PTCRA: variants seen among roughly 807,000 people sequenced by gnomAD.
The protein encoded by PTCRA is pre T-cell antigen receptor alpha.
Under a neutral mutation model 13.4 loss-of-function variants are expected in PTCRA, and 9 were observed. The observed-to-expected ratio is 0.67, with a 90% CI of 0.41 to 1.18. The LOEUF is 1.18. PTCRA is among the 50% of genes most tolerant of loss of function. The probability of loss-of-function intolerance (pLI) is 0.01; values close to 1 mark genes in which losing one functional copy is unlikely to be tolerated. For synonymous variants in PTCRA, 153 were observed against 161.9 expected (o/e 0.94, Z 0.42); for missense variants, 353 against 359.8 (o/e 0.98, Z 0.15).
intron 1 of PTCRA, chr6:42,922,388 T>C (rs1767216395): frequency 6.5e-6 from 4 of 614,978 alleles, no homozygotes; most frequent in Non-Finnish European, 1.2e-5. Context: ...TCGGATATCA[T>C]AGACAAGTGG....
At chr6:42,917,674 C>T (rs561727444) in intron 1 of PTCRA, among the ~76,000 whole-genome samples, 11 of 151,056 alleles carry the variant, frequency 7.3e-5, no homozygotes, top group African/African-American at 2.4e-4. Flanking sequence ...CTCAGCTTCC[C>T]AAGTAGCTGG....
intron 1 of PTCRA, among the ~76,000 whole-genome samples, chr6:42,918,373 G>A (rs1389187276): frequency 2.0e-5 from 3 of 151,248 alleles, no homozygotes; most frequent in Non-Finnish European, 4.4e-5. Context: ...GGCCAAGATG[G>A]TGAAACCCCA....
intron 1 of PTCRA, among the ~76,000 whole-genome samples, chr6:42,921,412 CTTTTTTTTTT>C (rs59029514): frequency 1.2e-5 from 1 of 85,640 alleles, no homozygotes; most frequent in African/African-American, 5.5e-5. Context: ...AACAAAGCTT[CTTTTTTTTTT>C]TTTTTTTTTT....
At position 42,925,635 on chromosome 6, in the gene PTCRA, T is replaced by C; in HGVS notation, c.799T>C (p.Phe267Leu). 6.4e-7 allele frequency: 1 copy of C among 1,559,504 alleles called. No homozygotes were observed. The highest frequency in any genetic ancestry group is 8.7e-7 in the Non-Finnish European group (1 of 1,155,314). The change falls in exon 4 of 4, where the codon TTT (phenylalanine) becomes CTT (leucine). Residue 267 changes from phenylalanine to leucine, a missense_variant. Transcript: ENST00000304672. This position sits in a 1 kb window ranked among gnomAD's most constrained non-coding sequence, Gnocchi z 4.4. ...LRAPSSSLGA[F>L]FAGDLPPPLQ... is the part of the protein sequence containing the mutation. ...GGCTCCTTCCTCCAGTCTTGGAGCA[T>C]TTTTTGCAGGTGACCTGCCTCCTCC...
chr6:42,918,566 T>A lies in PTCRA; in HGVS notation c.58+2439T>A, dbSNP rs527313324. 2.4e-4 allele frequency among the ~76,000 whole-genome samples: 36 copies of A among 151,438 alleles called. 1 individual carries two copies. The highest frequency in any genetic ancestry group is 8.7e-4 in the African/African-American group (36 of 41,268). ...TGAGACTCCATCTCAAAAATAATAA[T>A]AATAATAATAATGAAATAAAATAAA... On this transcript the variant is annotated intron_variant, in intron 1 of 3. Transcript: ENST00000304672.
At chr6:42,921,100 TTTG>T (rs763294657) in intron 1 of PTCRA, among the ~76,000 whole-genome samples, 29 of 138,562 alleles carry the variant, frequency 2.1e-4, no homozygotes, top group African/African-American at 6.8e-4. Flanking sequence ...CCCAGCCTTT[TTTG>T]TTGTTGTTGT....
At position 42,925,088 on chromosome 6, in the gene PTCRA, G is replaced by A; in HGVS notation, c.425-173G>A. On this transcript the variant is annotated intron_variant, in intron 3 of 3. Transcript: ENST00000304672. This position sits in a 1 kb window ranked among gnomAD's most constrained non-coding sequence, Gnocchi z 4.4. ...GGGAATAAAATAAAATGAAGGCCAG[G>A]AAGGTATGTATTATTACCAGTAAGA... 5 of 822,602 alleles carry A rather than the reference G, an allele frequency of 6.1e-6. No individual in the cohort carries two copies. The highest frequency in any genetic ancestry group is 9.2e-6 in the Non-Finnish European group (5 of 542,550). The allele number at this position is 822,602 out of a possible 1,614,324, so 51.0% of individuals were successfully genotyped here.
chr6:42,916,255 G>A lies in PTCRA; in HGVS notation c.58+128G>A, dbSNP rs186712494. The A allele has an allele frequency of 4.9e-5, 45 of 922,234 alleles. No individual in the cohort carries two copies. The Admixed American group carries it at 1.0e-3, about 20-fold the overall frequency. The allele number at this position is 922,234 out of a possible 1,614,324, so 57.1% of individuals were successfully genotyped here. A position where few individuals can be genotyped will look rare whatever the true frequency, so the allele number is the denominator to read the frequency against. ...GACAAGAGATATTTAGGGACCTCTG[G>A]GGAGGGTCCCTCTGGGGAGGGGACC... is the stretch of plus-strand genomic sequence containing the variant. On this transcript the variant is annotated intron_variant, in intron 1 of 3. Transcript: ENST00000304672.
rs1402351700 is a variant in PTCRA, at chr6:42,925,804, A to C, written c.*122A>C. Reference sequence around the variant, plus strand: ...GGGGCATTTAGGGAGCAGATGACTGAGAACATTAAAAAAGAACTTAAATGA... The same window carrying C: ...GGGGCATTTAGGGAGCAGATGACTGCGAACATTAAAAAAGAACTTAAATGA... On this transcript the variant is annotated 3_prime_UTR_variant, in exon 4 of 4. Transcript: ENST00000304672. The surrounding 1 kb of genome is among the most constrained non-coding windows in gnomAD (Gnocchi z 4.4). 1 of 556,690 alleles carries C rather than the reference A, an allele frequency of 1.8e-6. No individual in the cohort carries two copies. Among genetic ancestry groups the C allele is most frequent in the African/African-American group, 1.9e-5 (1 of 51,482 alleles). 34.5% of individuals were successfully genotyped at this position (556,690 alleles called of 1,614,324 possible). A position where few individuals can be genotyped will look rare whatever the true frequency, so the allele number is the denominator to read the frequency against.
rs573503571 is a variant in PTCRA at position 42,925,216 on chromosome 6, G to T, written c.425-45G>T. 1 of 1,546,598 alleles carries T rather than the reference G, an allele frequency of 6.5e-7. No individual in the cohort carries two copies. Among genetic ancestry groups the T allele is most frequent in the East Asian group, 2.4e-5 (1 of 42,436 alleles). ...TCTCCGCCGTTCTCTCCTGGGGTAG[G>T]GGGCTGCGGGCTCCTGCGGGCTCCT... is the stretch of plus-strand genomic sequence containing the variant. On this transcript the variant is annotated intron_variant, in intron 3 of 3. Coordinates refer to ENST00000304672, the MANE Select transcript of PTCRA (RefSeq NM_138296.3). This position sits in a 1 kb window ranked among gnomAD's most constrained non-coding sequence, Gnocchi z 4.4.
chr6:42,921,307 G>A (rs1562527778), intron 1 of PTCRA, among the ~76,000 whole-genome samples: 2 of 151,510 alleles, frequency 1.3e-5, no homozygotes, highest in South Asian at 2.1e-4. Flanking sequence ...CCACCATGTT[G>A]GCCAGGCTGG....
chr6:42,917,581 G>T (rs993609069), intron 1 of PTCRA, among the ~76,000 whole-genome samples: 24 of 145,682 alleles, frequency 1.6e-4, no homozygotes, highest in African/African-American at 5.6e-4. Context: ...GACAGAGTTT[G>T]CTCTGTTGCC....
Position 42,917,100 on chromosome 6 carries a change from T to C in PTCRA, c.58+973T>C, listed in dbSNP as rs16896162. ...GCCTTATTAATATTAATATCAACAA[T>C]TGCACTAATACTTATCTGCCAGGGC... On this transcript the variant is annotated intron_variant, in intron 1 of 3. Coordinates refer to ENST00000304672, the MANE Select transcript of PTCRA (RefSeq NM_138296.3). 3.2e-3 allele frequency among the ~76,000 whole-genome samples: 493 copies of C among 152,070 alleles called. 3 individuals carry two copies. The highest frequency in any genetic ancestry group is 0.011 in the African/African-American group (444 of 41,510).
Position 42,925,340 on chromosome 6 carries a change from C to A in PTCRA, c.504C>A (p.Thr168=). The A allele has an allele frequency of 6.3e-7, 1 of 1,576,566 alleles. No homozygotes were observed. Among genetic ancestry groups the A allele is most frequent in the Non-Finnish European group, 8.6e-7 (1 of 1,164,498 alleles). ...FKLLLFDLLL[T]CSCLCDPAGP... is the part of the protein sequence containing the mutation. ...TGCTGCTGTTTGACCTGCTCCTGACCTGCAGCTGCCTGTGCGACCCCGCGG... is the reference window on the plus strand; with the variant it reads ...TGCTGCTGTTTGACCTGCTCCTGACATGCAGCTGCCTGTGCGACCCCGCGG... The change falls in exon 4 of 4, where the codon ACC becomes ACA. Residue 168 remains threonine, a synonymous_variant. Transcript: ENST00000304672. The surrounding 1 kb of genome is among the most constrained non-coding windows in gnomAD (Gnocchi z 4.4).
chr6:42,918,169 T>C (rs1313080586), intron 1 of PTCRA, among the ~76,000 whole-genome samples: 3 of 151,200 alleles, frequency 2.0e-5, no homozygotes, highest in Non-Finnish European at 2.9e-5. Flanking sequence ...GGCAGGAGAA[T>C]TGCTTGAACC....
At position 42,925,233 on chromosome 6, in the gene PTCRA, C is replaced by G; in HGVS notation, c.425-28C>G. The G allele has an allele frequency of 6.4e-7, 1 of 1,567,086 alleles. No individual in the cohort carries two copies. Among genetic ancestry groups the G allele is most frequent in the South Asian group, 1.2e-5 (1 of 86,810 alleles). ...TGGGGTAGGGGGCTGCGGGCTCCTG[C>G]GGGCTCCTGAGCGGTTCCTCCTCGC... On this transcript the variant is annotated intron_variant, in intron 3 of 3. Coordinates refer to ENST00000304672, the MANE Select transcript of PTCRA (RefSeq NM_138296.3). The surrounding 1 kb of genome is among the most constrained non-coding windows in gnomAD (Gnocchi z 4.4).
At chr6:42,918,908 G>A (rs1042456154) in intron 1 of PTCRA, among the ~76,000 whole-genome samples, 4 of 150,956 alleles carry the variant, frequency 2.6e-5, no homozygotes, top group Non-Finnish European at 4.4e-5. Flanking sequence ...TCCTGCCTCA[G>A]CCTCCCGAGT....
At chr6:42,923,758 C>T (rs2114132808) in intron 2 of PTCRA, among the ~76,000 whole-genome samples, 1 of 152,266 alleles carries the variant, frequency 6.6e-6, no homozygotes, top group African/African-American at 2.4e-5. Flanking sequence ...CATATAATTC[C>T]CTCAATTTTA....
Position 42,925,245 on chromosome 6 carries a change from C to G in PTCRA, c.425-16C>G. 4 of 1,578,536 alleles carry G rather than the reference C, an allele frequency of 2.5e-6. No homozygotes were observed. Among genetic ancestry groups the G allele is most frequent in the Non-Finnish European group, 3.4e-6 (4 of 1,169,832 alleles). ...CTGCGGGCTCCTGCGGGCTCCTGAG[C>G]GGTTCCTCCTCGCAGGGACACCGGG... On this transcript the variant is annotated splice_polypyrimidine_tract_variant and intron_variant, in intron 3 of 3. Transcript: ENST00000304672. The surrounding 1 kb of genome is among the most constrained non-coding windows in gnomAD (Gnocchi z 4.4).
Sources: gnomAD v4.1 joint callset for allele counts (sites outside exome capture counted in the v4.1 genomes callset) on GRCh38, gnomAD v4.1.1 for gene constraint, Gnocchi (gnomAD v3.1) non-coding constraint, MANE v1.5 for transcripts, NCBI Gene and HGNC (gene_info 2026-07-23, HGNC 2026-07-21) for gene names.